Variants in MOB1B observed in about 807,000 individuals in gnomAD.
MOB1B encodes the protein MOB1 Mps One Binder homolog B.
In MOB1B, 19 loss-of-function variants were observed where a neutral mutation model predicts 24.4. The ratio of observed to expected loss-of-function variants is 0.78; its 90% CI spans 0.54 to 1.14. The LOEUF (loss-of-function observed/expected upper bound fraction) is 1.14. MOB1B is among the 50% of genes most tolerant of loss of function. The pLI is 0.00. For synonymous variants in MOB1B, 76 were observed against 82.1 expected (o/e 0.93, Z 0.40); for missense variants, 243 against 259.6 (o/e 0.94, Z 0.44).
chr4:70,902,501 G>C lies in MOB1B; in HGVS notation c.-36G>C. The stretch of plus-strand genomic sequence containing the variant: ...CTGGCCCACGCCGCTCCGAGGCCTC[G>C]CGACCGCCGAGCCTGCAGCCTGCCC... On this transcript the variant is annotated 5_prime_UTR_variant, in exon 1 of 6. Transcript: ENST00000309395. 1.9e-6 allele frequency: 3 copies of C among 1,554,562 alleles called. No individual in the cohort carries two copies. The highest frequency in any genetic ancestry group is 2.6e-6 in the Non-Finnish European group (3 of 1,149,606).
chr4:70,959,838 C>G (rs1381562559), intron 2 of MOB1B, among the ~76,000 whole-genome samples: 4 of 152,036 alleles, frequency 2.6e-5, no homozygotes, highest in Non-Finnish European at 4.4e-5. Flanking sequence ...ACTAAATTGC[C>G]TTTCTCAGTG....
At chr4:70,911,547 T>G (rs899359539) in intron 1 of MOB1B, among the ~76,000 whole-genome samples, 1 of 152,084 alleles carries the variant, frequency 6.6e-6, no homozygotes, top group Non-Finnish European at 1.5e-5. Context: ...CTGGCTTTAG[T>G]TTACTTTTAT....
At chr4:70,907,008 A>G (rs1735775637) in intron 1 of MOB1B, among the ~76,000 whole-genome samples, 1 of 152,186 alleles carries the variant, frequency 6.6e-6, no homozygotes, top group Admixed American at 6.5e-5. Context: ...GGTGATAATT[A>G]ATGGAAGGTG....
At position 70,947,545 on chromosome 4, in the gene MOB1B, G is replaced by A. The variant is rs560756358; in HGVS notation, c.15-11329G>A. 2.0e-5 allele frequency among the ~76,000 whole-genome samples: 3 copies of A among 152,252 alleles called. No homozygotes were observed. In the South Asian group the frequency reaches 6.2e-4, roughly 32 times the overall value. The stretch of plus-strand genomic sequence containing the variant: ...ATTTTGGATATAAGTCCTTAACTAT[G>A]TATGTGATCGGCAAAGATTTGCTGC... On this transcript the variant is annotated intron_variant, in intron 1 of 5. Coordinates refer to ENST00000309395, the MANE Select transcript of MOB1B (RefSeq NM_173468.4).
At chr4:70,946,578 G>C (rs1737592193) in intron 1 of MOB1B, among the ~76,000 whole-genome samples, 3 of 152,216 alleles carry the variant, frequency 2.0e-5, no homozygotes, top group Admixed American at 2.0e-4. Flanking sequence ...ACGCATGTAA[G>C]TGCATGTAAA....
At chr4:70,918,441 T>C (rs1427679871) in intron 1 of MOB1B, among the ~76,000 whole-genome samples, 1 of 151,892 alleles carries the variant, frequency 6.6e-6, no homozygotes, top group East Asian at 1.9e-4. Context: ...TGATGGCCAG[T>C]GATGGTGAGC....
At chr4:70,952,693 T>A (rs1204601389) in intron 1 of MOB1B, among the ~76,000 whole-genome samples, 1 of 150,762 alleles carries the variant, frequency 6.6e-6, no homozygotes, top group Non-Finnish European at 1.5e-5. Flanking sequence ...TTTCTAATGC[T>A]TATACCAGAT....
At chr4:70,908,922 G>T (rs543985618) in intron 1 of MOB1B, among the ~76,000 whole-genome samples, 1 of 151,370 alleles carries the variant, frequency 6.6e-6, no homozygotes, top group Non-Finnish European at 1.5e-5. Flanking sequence ...GTAGTGGCGG[G>T]CGCCTGTAAT....
At chr4:70,917,921 A>T (rs1331325731) in intron 1 of MOB1B, among the ~76,000 whole-genome samples, 1 of 152,082 alleles carries the variant, frequency 6.6e-6, no homozygotes, top group Non-Finnish European at 1.5e-5. Context: ...TTTTCTTGAT[A>T]TTTAATTTTT....
At chr4:70,949,753 T>A (rs1425924497) in intron 1 of MOB1B, among the ~76,000 whole-genome samples, 1 of 151,918 alleles carries the variant, frequency 6.6e-6, no homozygotes, top group Non-Finnish European at 1.5e-5. Context: ...AATAATTAGC[T>A]GGACATGGTG....
intron 2 of MOB1B, 35 bp downstream of exon 2, chr4:70,959,075 A>T: frequency 6.3e-7 from 1 of 1,582,838 alleles, no homozygotes; most frequent in South Asian, 1.1e-5. Flanking sequence ...TAGCCTGTGA[A>T]TTAGGGTAAT....
chr4:70,947,221 G>A (rs761574200), intron 1 of MOB1B, among the ~76,000 whole-genome samples: 4 of 152,182 alleles, frequency 2.6e-5, no homozygotes, highest in African/African-American at 4.8e-5. Context: ...CAAGTGAGTC[G>A]TAGACTCTGA....
At chr4:70,955,044 C>G (rs1369681695) in intron 1 of MOB1B, among the ~76,000 whole-genome samples, 1 of 152,132 alleles carries the variant, frequency 6.6e-6, no homozygotes, top group Admixed American at 6.5e-5. Flanking sequence ...CCTCGGCCTC[C>G]CAAAGTGCTG....
At chr4:70,968,318 T>G (rs767260795) in intron 2 of MOB1B, among the ~76,000 whole-genome samples, 30 of 152,240 alleles carry the variant, frequency 2.0e-4, no homozygotes, top group Non-Finnish European at 5.9e-5. Context: ...TTCATTTTAC[T>G]TTATTTTTTT....
At chr4:70,945,516 A>T (rs1737537255) in intron 1 of MOB1B, among the ~76,000 whole-genome samples, 1 of 152,192 alleles carries the variant, frequency 6.6e-6, no homozygotes, top group African/African-American at 2.4e-5. Flanking sequence ...TGCTACTTGA[A>T]CCTATCATGA....
At chr4:70,908,888 A>G (rs1019066134) in intron 1 of MOB1B, among the ~76,000 whole-genome samples, 28 of 151,422 alleles carry the variant, frequency 1.8e-4, no homozygotes, top group African/African-American at 6.5e-4. Context: ...CGTCTCTACT[A>G]AAAATAGAAA....
At chr4:70,965,533 C>T (rs1560660061) in intron 2 of MOB1B, among the ~76,000 whole-genome samples, 3 of 151,408 alleles carry the variant, frequency 2.0e-5, no homozygotes, top group African/African-American at 4.8e-5. Context: ...CGCGGTGGCT[C>T]ACGCCTGTAA....
intron 2 of MOB1B, among the ~76,000 whole-genome samples, chr4:70,967,117 C>T (rs1166985115): frequency 6.6e-6 from 1 of 151,530 alleles, no homozygotes; most frequent in Non-Finnish European, 1.5e-5. Context: ...ATATCCACCA[C>T]CAATATGTTA....
At chr4:70,973,105 A>T (rs1436196678) in intron 3 of MOB1B, among the ~76,000 whole-genome samples, 2 of 152,200 alleles carry the variant, frequency 1.3e-5, no homozygotes, top group African/African-American at 4.8e-5. Flanking sequence ...GCCTTAGGAT[A>T]TTGAAAGTTA....
Sources: allele counts gnomAD v4.1 joint callset (sites outside exome capture counted in the v4.1 genomes callset), GRCh38; gene constraint gnomAD v4.1.1; transcripts MANE v1.5; gene names NCBI Gene and HGNC (gene_info 2026-07-23, HGNC 2026-07-21).